AP3S1: variants seen among roughly 807,000 people sequenced by gnomAD.
The protein encoded by AP3S1 is AP-3 complex subunit sigma-1.
Under a neutral mutation model 21.3 loss-of-function variants are expected in AP3S1, and 12 were observed. The observed-to-expected ratio is 0.56, with a 90% CI of 0.36 to 0.91. The LOEUF (loss-of-function observed/expected upper bound fraction) is 0.91, where lower values mean the gene tolerates loss of function less well. Ranked by LOEUF, AP3S1 falls within the 40% of genes least tolerant of loss-of-function variation. The probability of loss-of-function intolerance (pLI) is 0.01; values close to 1 mark genes in which losing one functional copy is unlikely to be tolerated. For synonymous variants in AP3S1, 48 were observed against 78.4 expected, an observed-to-expected ratio of 0.61 and a Z score of 2.05; for missense variants, 116 against 225.0, an observed-to-expected ratio of 0.52 and a Z score of 3.10.
Position 115,913,571 on chromosome 5 carries a change from GA to G in AP3S1, c.*82del, listed in dbSNP as rs1561536751. On this transcript the variant is annotated 3_prime_UTR_variant, in exon 6 of 6. Transcript: ENST00000316788. The stretch of plus-strand genomic sequence containing the variant: ...ACCATGCAGTTGTTTACCAAAAATA[GA>G]GGAGGAGAGTCTTAACTTTTGCTCT... The G allele has an allele frequency of 6.4e-7, 1 of 1,556,072 alleles. No homozygotes were observed.
chr5:115,869,394 C>G (rs1455869886), intron 2 of AP3S1, among the ~76,000 whole-genome samples: 1 of 152,112 alleles, frequency 6.6e-6, no homozygotes, highest in Non-Finnish European at 1.5e-5. Flanking sequence ...GGAGTTAAAT[C>G]TAGTAAGCAC....
intron 1 of AP3S1, among the ~76,000 whole-genome samples, chr5:115,856,642 C>CATT (rs56133528): frequency 0.38 from 57,269 of 151,350 alleles, 11,038 homozygotes; most frequent in African/African-American, 0.45. Flanking sequence ...GTTTTTAAAA[C>CATT]GTTGTTGTTG....
At chr5:115,902,817 A>G (rs1751324693) in intron 4 of AP3S1, 68 bp from the exon 5 acceptor site, 1 of 1,177,518 alleles carries the variant, frequency 8.5e-7, no homozygotes, top group Non-Finnish European at 1.2e-6. Flanking sequence ...TTTGAAACAA[A>G]AAGTGAATCA....
intron 1 of AP3S1, among the ~76,000 whole-genome samples, chr5:115,855,474 G>C (rs962611108): frequency 6.6e-6 from 1 of 151,828 alleles, no homozygotes; most frequent in East Asian, 1.9e-4. Context: ...TGAGTAACTG[G>C]GACTACAGGC....
intron 1 of AP3S1, among the ~76,000 whole-genome samples, chr5:115,855,006 A>G (rs1223914501): frequency 1.3e-5 from 2 of 149,758 alleles, no homozygotes; most frequent in South Asian, 4.2e-4. Context: ...GTGTGTGTGT[A>G]TGTATATATT....
intron 1 of AP3S1, among the ~76,000 whole-genome samples, chr5:115,853,680 G>C (rs1762604438): frequency 6.6e-6 from 1 of 152,040 alleles, no homozygotes; most frequent in Admixed American, 6.6e-5. Context: ...TTTACATGTG[G>C]ATATTTAGTT....
At chr5:115,879,604 A>T (rs1400112287) in intron 3 of AP3S1, among the ~76,000 whole-genome samples, 1 of 152,060 alleles carries the variant, frequency 6.6e-6, no homozygotes, top group Non-Finnish European at 1.5e-5. Context: ...GTTTGCCAGG[A>T]TTTTATTGAG....
At chr5:115,897,924 C>T (rs1482299592) in intron 4 of AP3S1, among the ~76,000 whole-genome samples, 2 of 152,150 alleles carry the variant, frequency 1.3e-5, no homozygotes, top group Non-Finnish European at 2.9e-5. Flanking sequence ...CAGACTGCTT[C>T]TGGGTCACAA....
chr5:115,886,601 C>G (rs1164668233), intron 3 of AP3S1, among the ~76,000 whole-genome samples: 5 of 152,126 alleles, frequency 3.3e-5, no homozygotes, highest in Non-Finnish European at 5.9e-5. Context: ...TTTATGTTAT[C>G]GGTAAGGCTT....
chr5:115,877,019 T>A (rs1485676662), intron 3 of AP3S1, among the ~76,000 whole-genome samples: 2 of 152,218 alleles, frequency 1.3e-5, no homozygotes, highest in African/African-American at 4.8e-5. Flanking sequence ...ACTATGTAAA[T>A]ATACTTTTTC....
chr5:115,867,542 T>C (rs897766323), intron 2 of AP3S1, among the ~76,000 whole-genome samples: 5 of 152,208 alleles, frequency 3.3e-5, no homozygotes, highest in African/African-American at 1.2e-4. Context: ...ATACTCTGGA[T>C]AACAGGGAAT....
chr5:115,872,549 A>G (rs910478242), intron 3 of AP3S1, among the ~76,000 whole-genome samples: 2 of 152,158 alleles, frequency 1.3e-5, no homozygotes, highest in African/African-American at 4.8e-5. Context: ...ATTTTTCATA[A>G]TATTTAAAGC....
intron 1 of AP3S1, among the ~76,000 whole-genome samples, chr5:115,859,631 C>A (rs138584524): frequency 2.4e-4 from 36 of 152,346 alleles, no homozygotes; most frequent in African/African-American, 8.4e-4. Context: ...CTGGCCAGAA[C>A]TGTGTTGTAT....
chr5:115,859,937 T>G (rs1763054925), intron 1 of AP3S1, among the ~76,000 whole-genome samples: 2 of 152,158 alleles, frequency 1.3e-5, no homozygotes, highest in Non-Finnish European at 2.9e-5. Flanking sequence ...CTGTAACAAA[T>G]TACCACAGAC....
intron 3 of AP3S1, among the ~76,000 whole-genome samples, chr5:115,889,320 T>C (rs1305879874): frequency 6.6e-6 from 1 of 152,178 alleles, no homozygotes. Flanking sequence ...AATAAAGGCA[T>C]ACTGGAAATT....
chr5:115,865,593 G>A (rs1763550353), intron 1 of AP3S1, among the ~76,000 whole-genome samples: 1 of 152,068 alleles, frequency 6.6e-6, no homozygotes, highest in Non-Finnish European at 1.5e-5. Context: ...GCTCTACATC[G>A]TTGTCAACAT....
At chr5:115,908,769 T>C (rs1426206522) in intron 5 of AP3S1, among the ~76,000 whole-genome samples, 1 of 152,158 alleles carries the variant, frequency 6.6e-6, no homozygotes, top group East Asian at 1.9e-4. Flanking sequence ...ATTGCAGTAT[T>C]AAAGCACTGC....
intron 2 of AP3S1, 37 bp from the exon 3 acceptor site, chr5:115,869,980 T>G (rs1454791526): frequency 1.5e-6 from 2 of 1,312,646 alleles, no homozygotes; most frequent in Admixed American, 4.5e-5. Context: ...GATTCGCATT[T>G]TGTTTCCAAT....
At chr5:115,906,950 A>G in intron 5 of AP3S1, 1 of 1,386,816 alleles carries the variant, frequency 7.2e-7, no homozygotes, top group Non-Finnish European at 9.3e-7. Flanking sequence ...AGACTCAAAA[A>G]TTCTTTGTGT....
Sources: gnomAD v4.1 joint callset for allele counts (sites outside exome capture counted in the v4.1 genomes callset) on GRCh38, gnomAD v4.1.1 for gene constraint, MANE v1.5 for transcripts, NCBI Gene and HGNC (gene_info 2026-07-23, HGNC 2026-07-21) for gene names.